The following CALD1 variants were observed in gnomAD, a reference collection of about 807,000 sequenced individuals.
CALD1 encodes the protein caldesmon 1, also known as caldesmon.
CALD1 carries 33 observed loss-of-function variants against 99.9 expected under a neutral mutation model. The observed-to-expected ratio is 0.33, with a 90% CI of 0.25 to 0.44. The LOEUF (loss-of-function observed/expected upper bound fraction) is 0.44. Among genes scored for constraint, CALD1 ranks in the 20% least tolerant of loss-of-function variants. The pLI is 1.00. For missense variants in CALD1, 861 were observed against 962.1 expected (o/e 0.89, Z 1.39); for synonymous variants, 310 against 325.0 (o/e 0.95, Z 0.50).
chr7:134,738,425 G>A, the CALD1 span, among the ~76,000 whole-genome samples: 3 of 152,208 alleles, frequency 2.0e-5, no homozygotes, highest in African/African-American at 4.8e-5. Flanking sequence ...TTTCATCTAC[G>A]CTTTATGTTT....
intron 1 of CALD1, among the ~76,000 whole-genome samples, chr7:134,752,189 T>A (rs1325865755): frequency 6.6e-6 from 1 of 152,158 alleles, no homozygotes; most frequent in East Asian, 1.9e-4. Flanking sequence ...GCATGATGAA[T>A]CATCTTGGGG....
At chr7:134,770,887 AACC>A (rs947501361) in intron 1 of CALD1, among the ~76,000 whole-genome samples, 11 of 152,212 alleles carry the variant, frequency 7.2e-5, no homozygotes, top group Non-Finnish European at 1.3e-4. Context: ...GCTCAAGGCA[AACC>A]ACATGGTCAA....
chr7:134,783,607 GTTCCCTGTGTTGTTC>G lies in CALD1; in HGVS notation c.-130+3873_-130+3887del, dbSNP rs1195501036. On this transcript the variant is annotated intron_variant, in intron 1 of 14. Coordinates refer to ENST00000361675, the MANE Select transcript of CALD1 (RefSeq NM_033138.4). The surrounding 1 kb of genome is among the most constrained non-coding windows in gnomAD (Gnocchi z 4.3). The stretch of plus-strand genomic sequence containing the variant: ...GCTGTGAGGGAGGGGTGATGAGGTT[GTTCCCTGTGTTGTTC>G]TTCCCTGTGTTGTTGCTATGGAAAC... Among the ~76,000 whole-genome samples, 1 of 152,174 alleles carries G rather than the reference GTTCCCTGTGTTGTTC, an allele frequency of 6.6e-6. No homozygotes were observed. The highest frequency in any genetic ancestry group is 1.5e-5 in the Non-Finnish European group (1 of 68,034).
chr7:134,912,090 G>A (rs1803856132), intron 3 of CALD1, among the ~76,000 whole-genome samples: 1 of 152,166 alleles, frequency 6.6e-6, no homozygotes, highest in Non-Finnish European at 1.5e-5. Context: ...AGTATAAAAT[G>A]AAGTTGAAAG....
At chr7:134,902,232 C>A (rs981138817) in intron 3 of CALD1, among the ~76,000 whole-genome samples, 3 of 152,056 alleles carry the variant, frequency 2.0e-5, no homozygotes, top group Non-Finnish European at 4.4e-5. Context: ...TTCTTTTTAA[C>A]CCCACTGAGT....
At chr7:134,941,847 C>A (rs772378127) in intron 7 of CALD1, among the ~76,000 whole-genome samples, 1 of 152,178 alleles carries the variant, frequency 6.6e-6, no homozygotes, top group Non-Finnish European at 1.5e-5. Context: ...TGGAAAAACT[C>A]TCTTGTATAG....
intron 6 of CALD1, among the ~76,000 whole-genome samples, chr7:134,939,808 A>G (rs899383122): frequency 6.6e-6 from 1 of 152,128 alleles, no homozygotes; most frequent in African/African-American, 2.4e-5. Flanking sequence ...ACTAAAAAAT[A>G]CAAAAATTAT....
At chr7:134,737,965 C>T in the CALD1 span, among the ~76,000 whole-genome samples, 200 of 152,138 alleles carry the variant, frequency 1.3e-3, 1 homozygote, top group Non-Finnish European at 1.2e-3. Context: ...TTCATATTCT[C>T]AAAGATTTTG....
intron 3 of CALD1, among the ~76,000 whole-genome samples, chr7:134,897,918 A>T (rs994579917): frequency 6.6e-6 from 1 of 151,788 alleles, no homozygotes; most frequent in Non-Finnish European, 1.5e-5. Flanking sequence ...TGTATTGCCC[A>T]TGCTGGTCTC....
chr7:134,793,257 A>G (rs1176058524), intron 1 of CALD1, among the ~76,000 whole-genome samples: 1 of 152,240 alleles, frequency 6.6e-6, no homozygotes, highest in East Asian at 1.9e-4. Flanking sequence ...CGTCATTTTT[A>G]TATATGCTGA....
At chr7:134,892,693 GT>G (rs1206473267) in intron 3 of CALD1, among the ~76,000 whole-genome samples, 5 of 152,162 alleles carry the variant, frequency 3.3e-5, no homozygotes, top group African/African-American at 1.2e-4. Flanking sequence ...GACTTTAGAC[GT>G]TATCTGTATA....
the CALD1 span, among the ~76,000 whole-genome samples, chr7:134,729,753 A>C: frequency 8.5e-5 from 13 of 152,358 alleles, no homozygotes; most frequent in Non-Finnish European, 1.5e-4. Context: ...AAGGCAGAGG[A>C]CAGGGGCAAT....
the CALD1 span, among the ~76,000 whole-genome samples, chr7:134,719,312 T>TA: frequency 1.8e-4 from 28 of 151,852 alleles, 1 homozygote; most frequent in Admixed American, 1.6e-3. Context: ...CAAAAAGGGA[T>TA]AAAAAAATAT....
At chr7:134,952,935 ATGC>A (rs1208359637) in intron 9 of CALD1, among the ~76,000 whole-genome samples, 1 of 152,208 alleles carries the variant, frequency 6.6e-6, no homozygotes, top group African/African-American at 2.4e-5. Flanking sequence ...TACTTAATGC[ATGC>A]TATGTCCTAT....
At chr7:134,847,342 C>A (rs1458205127) in intron 2 of CALD1, among the ~76,000 whole-genome samples, 2 of 152,166 alleles carry the variant, frequency 1.3e-5, no homozygotes, top group African/African-American at 4.8e-5. Flanking sequence ...ATAGTAGGAT[C>A]TGAAGGGATC....
intron 2 of CALD1, among the ~76,000 whole-genome samples, chr7:134,859,366 G>T (rs1490505185): frequency 6.6e-6 from 1 of 152,212 alleles, no homozygotes; most frequent in East Asian, 1.9e-4. Context: ...CCTTGCCTTA[G>T]GGTTTACGCT....
upstream of CALD1, among the ~76,000 whole-genome samples, chr7:134,739,531 C>T (rs957378191): frequency 5.9e-5 from 9 of 152,166 alleles, no homozygotes; most frequent in African/African-American, 1.9e-4. Flanking sequence ...TTCCCAGCCT[C>T]CCGTGCAGGT....
chr7:134,718,977 A>G, the CALD1 span, among the ~76,000 whole-genome samples: 1 of 152,202 alleles, frequency 6.6e-6, no homozygotes, highest in Non-Finnish European at 1.5e-5. Flanking sequence ...GTTCTCACCC[A>G]TGCTAGCCTC....
At chr7:134,947,448 C>A in intron 7 of CALD1, 60 bp from the exon 8 acceptor site, 1 of 1,501,134 alleles carries the variant, frequency 6.7e-7, no homozygotes, top group South Asian at 1.2e-5. Context: ...ACCTCCCCTT[C>A]CTCCAGGGAG....
Sources: gnomAD v4.1 joint callset for allele counts (sites outside exome capture counted in the v4.1 genomes callset) on GRCh38, gnomAD v4.1.1 for gene constraint, Gnocchi (gnomAD v3.1) non-coding constraint, MANE v1.5 for transcripts, NCBI Gene and HGNC (gene_info 2026-07-23, HGNC 2026-07-21) for gene names.